The following SGCZ variants were observed in gnomAD, a reference collection of about 807,000 sequenced individuals.
The protein encoded by SGCZ is zeta-sarcoglycan.
In SGCZ, 40 loss-of-function variants were observed where a neutral mutation model predicts 41.3. That is an observed-to-expected ratio of 0.97 (90% confidence interval 0.75 to 1.26). The LOEUF is 1.26. Ranked by LOEUF, SGCZ falls within the 50% of genes most tolerant of loss-of-function variation. The pLI is 0.00. For synonymous variants in SGCZ, 206 were observed against 137.5 expected, an observed-to-expected ratio of 1.50 and a Z score of -3.49; for missense variants, 552 against 369.8, an observed-to-expected ratio of 1.49 and a Z score of -4.04.
chr8:14,479,212 G>A (rs1801450842), intron 2 of SGCZ, among the ~76,000 whole-genome samples: 1 of 152,170 alleles, frequency 6.6e-6, no homozygotes, highest in Admixed American at 6.5e-5. Flanking sequence ...TCAGTCTGTG[G>A]CTGAAGGCCA....
chr8:14,587,475 A>C (rs1805098235), intron 1 of SGCZ, among the ~76,000 whole-genome samples: 1 of 151,028 alleles, frequency 6.6e-6, no homozygotes, highest in African/African-American at 2.4e-5. Context: ...AGTTTGAGAC[A>C]AGCTGGGCAA....
chr8:14,153,220 C>T (rs886661610), intron 5 of SGCZ, among the ~76,000 whole-genome samples: 1 of 152,180 alleles, frequency 6.6e-6, no homozygotes, highest in Non-Finnish European at 1.5e-5. Flanking sequence ...TGTATGTACA[C>T]TGATAACTGT....
In SGCZ at chr8:14,802,638, T is replaced by C. The variant is rs181565118; in HGVS notation, c.40-247712A>G. On this transcript the variant is annotated intron_variant, in intron 1 of 7. Coordinates refer to ENST00000382080, the MANE Select transcript of SGCZ (RefSeq NM_139167.4). ...AGACAGAGAGAGAAACACACAAATA[T>C]ATATATATTTTCCAAAAATGATTTT... 1.9e-4 allele frequency among the ~76,000 whole-genome samples: 29 copies of C among 152,234 alleles called. 1 individual carries two copies. The highest frequency in any genetic ancestry group is 1.4e-3 in the Admixed American group (22 of 15,294).
intron 5 of SGCZ, among the ~76,000 whole-genome samples, chr8:14,135,800 A>G (rs1214892125): frequency 5.9e-5 from 9 of 152,204 alleles, no homozygotes; most frequent in Admixed American, 3.9e-4. Flanking sequence ...GTTTTATACT[A>G]ACTAGTTTTA....
rs181450925 is a variant in SGCZ at position 14,903,113 on chromosome 8, G to C, written c.39+334472C>G. ...GGCAGAGGGTTCTGGTTTCCTTACAGTAAGTTTAATTAAGTCCTTCTCTAA... is the reference window on the plus strand; with the variant it reads ...GGCAGAGGGTTCTGGTTTCCTTACACTAAGTTTAATTAAGTCCTTCTCTAA... On this transcript the variant is annotated intron_variant, in intron 1 of 7. Transcript: ENST00000382080. Among the ~76,000 whole-genome samples, 402 of 152,210 alleles carry C rather than the reference G, an allele frequency of 2.6e-3. 2 individuals are homozygous for C. Among genetic ancestry groups the C allele is most frequent in the African/African-American group, 9.1e-3 (379 of 41,556 alleles).
At chr8:14,831,327 G>A (rs752932863) in intron 1 of SGCZ, among the ~76,000 whole-genome samples, 1 of 152,106 alleles carries the variant, frequency 6.6e-6, no homozygotes, top group South Asian at 2.1e-4. Context: ...TAAATAAATA[G>A]AAGAGGACTA....
chr8:15,193,635 C>T (rs564913656), intron 1 of SGCZ, among the ~76,000 whole-genome samples: 3 of 151,374 alleles, frequency 2.0e-5, no homozygotes, highest in South Asian at 4.2e-4. Context: ...TTCTGGTGCC[C>T]GTATTTCTAA....
At chr8:14,550,964 T>C (rs1803788197) in intron 2 of SGCZ, among the ~76,000 whole-genome samples, 1 of 152,018 alleles carries the variant, frequency 6.6e-6, no homozygotes, top group Non-Finnish European at 1.5e-5. Context: ...TTCTTCCCAA[T>C]GATCACGCAA....
intron 1 of SGCZ, among the ~76,000 whole-genome samples, chr8:14,838,145 T>G (rs755118178): frequency 7.2e-5 from 11 of 152,106 alleles, no homozygotes; most frequent in Non-Finnish European, 1.6e-4. Flanking sequence ...AGTAGAATGA[T>G]GGTTACCAGA....
At chr8:14,832,393 A>G (rs951133765) in intron 1 of SGCZ, among the ~76,000 whole-genome samples, 1 of 152,176 alleles carries the variant, frequency 6.6e-6, no homozygotes, top group Non-Finnish European at 1.5e-5. Context: ...AAAATTCCAT[A>G]ATGCCCAGGT....
Position 14,927,097 on chromosome 8 carries a change from T to C in SGCZ, c.39+310488A>G, listed in dbSNP as rs549210574. Among the ~76,000 whole-genome samples the C allele has an allele frequency of 1.2e-3, 165 of 141,768 alleles. 2 individuals carry two copies. The highest frequency in any genetic ancestry group is 4.1e-3 in the African/African-American group (160 of 38,602). The allele number at this position is 141,768 out of a possible 152,430, so 93.0% of individuals were successfully genotyped here. A position where few individuals can be genotyped will look rare whatever the true frequency, so the allele number is the denominator to read the frequency against. On this transcript the variant is annotated intron_variant, in intron 1 of 7. Transcript: ENST00000382080. ...TACTATATCAAAGTATCAAAGTTCC[T>C]GATTCTTTTTTTTTTTTTTTTTTTT...
intron 3 of SGCZ, among the ~76,000 whole-genome samples, chr8:14,253,946 A>ATTTT (rs1563214914): frequency 1.3e-5 from 1 of 77,600 alleles, no homozygotes; most frequent in African/African-American, 4.7e-5. Context: ...TCTGCTTTTC[A>ATTTT]TGAAACATTT....
intron 1 of SGCZ, chr8:14,853,355 C>T (rs1803410529): frequency 6.6e-6 from 3 of 457,834 alleles, no homozygotes; most frequent in South Asian, 4.8e-5. Flanking sequence ...ATGCTGGCCA[C>T]TCCAGTCCAC....
At chr8:14,093,058 A>T (rs1406072470) in intron 7 of SGCZ, among the ~76,000 whole-genome samples, 1 of 152,038 alleles carries the variant, frequency 6.6e-6, no homozygotes, top group African/African-American at 2.4e-5. Flanking sequence ...AAAGAAAAAA[A>T]ACGGATCTTG....
chr8:14,445,687 C>A (rs1188921705), intron 2 of SGCZ, among the ~76,000 whole-genome samples: 2 of 152,126 alleles, frequency 1.3e-5, no homozygotes. Context: ...TGTGGGTACC[C>A]AAAAATGCTA....
intron 1 of SGCZ, among the ~76,000 whole-genome samples, chr8:14,796,436 T>G (rs1172560863): frequency 6.6e-6 from 1 of 151,990 alleles, no homozygotes; most frequent in Non-Finnish European, 1.5e-5. Context: ...GTTTTTTTTC[T>G]AATATTATAT....
Position 14,160,862 on chromosome 8 carries a change from C to T in SGCZ, c.547+3718G>A, listed in dbSNP as rs147715835. Among the ~76,000 whole-genome samples the T allele has an allele frequency of 5.3e-4, 81 of 152,292 alleles. 2 individuals are homozygous for T. In the East Asian group the frequency reaches 0.014, roughly 26 times the overall value. Reference sequence around the variant, plus strand: ...CATAACTGACTTTGCCTCAGATATACAGACACATCCCTTGTCTAAATGAAT... The same window carrying T: ...CATAACTGACTTTGCCTCAGATATATAGACACATCCCTTGTCTAAATGAAT... On this transcript the variant is annotated intron_variant, in intron 5 of 7. Coordinates refer to ENST00000382080, the MANE Select transcript of SGCZ (RefSeq NM_139167.4).
chr8:14,868,863 CA>C (rs1804034589), intron 1 of SGCZ, among the ~76,000 whole-genome samples: 2 of 152,170 alleles, frequency 1.3e-5, no homozygotes, highest in South Asian at 4.2e-4. Flanking sequence ...TTCCTGGACA[CA>C]CACACCCTCC....
At chr8:14,644,119 T>C (rs1013818434) in intron 1 of SGCZ, among the ~76,000 whole-genome samples, 2 of 151,820 alleles carry the variant, frequency 1.3e-5, no homozygotes, top group African/African-American at 2.4e-5. Context: ...CCTATTGTGA[T>C]GGTTAATGTT....
Sources: gnomAD v4.1 joint callset for allele counts (sites outside exome capture counted in the v4.1 genomes callset) on GRCh38, gnomAD v4.1.1 for gene constraint, MANE v1.5 for transcripts, NCBI Gene and HGNC (gene_info 2026-07-23, HGNC 2026-07-21) for gene names.